The following LAMA2 variants were observed in gnomAD, a reference collection of about 807,000 sequenced individuals.
LAMA2 encodes the protein laminin subunit alpha 2.
A neutral mutation model predicts 364.8 loss-of-function variants in LAMA2; 269 were observed. The observed-to-expected ratio is 0.74, with a 90% CI of 0.67 to 0.82. The LOEUF is 0.82. LAMA2 is among the 40% of genes least tolerant of loss of function. LAMA2 has a pLI of 0.00. For synonymous variants in LAMA2, 1,379 were observed against 1,370.6 expected, an observed-to-expected ratio of 1.01 and a Z score of -0.14; for missense variants, 3,807 against 3,873.2, an observed-to-expected ratio of 0.98 and a Z score of 0.45.
chr6:129,091,415 TA>T (rs1324062591), intron 3 of LAMA2, among the ~76,000 whole-genome samples: 2 of 152,192 alleles, frequency 1.3e-5, no homozygotes, highest in Non-Finnish European at 2.9e-5. Flanking sequence ...TTAATGTGAG[TA>T]TAAAAAGTCT....
intron 31 of LAMA2, among the ~76,000 whole-genome samples, chr6:129,351,089 A>C (rs755130255): frequency 6.6e-6 from 1 of 152,182 alleles, no homozygotes; most frequent in Admixed American, 6.5e-5. Flanking sequence ...TTTGGTATTC[A>C]TGGTTAGACT....
chr6:129,335,037 A>T (rs1008802873), intron 29 of LAMA2, among the ~76,000 whole-genome samples: 7 of 152,090 alleles, frequency 4.6e-5, no homozygotes, highest in African/African-American at 1.7e-4. Context: ...TTATCTTCAC[A>T]CCTTTCCCTG....
chr6:128,920,564 A>T (rs1778637019), intron 1 of LAMA2, among the ~76,000 whole-genome samples: 1 of 150,616 alleles, frequency 6.6e-6, no homozygotes, highest in African/African-American at 2.4e-5. Context: ...CCCTAATCAA[A>T]CCCTTTTCCC....
chr6:129,366,563 C>T (rs935323014), intron 33 of LAMA2, among the ~76,000 whole-genome samples: 7 of 152,086 alleles, frequency 4.6e-5, no homozygotes, highest in Non-Finnish European at 7.3e-5. Flanking sequence ...GGAAAAGAGT[C>T]TCATGTACCC....
chr6:129,079,592 C>T (rs1198837247), intron 3 of LAMA2, among the ~76,000 whole-genome samples: 3 of 151,072 alleles, frequency 2.0e-5, no homozygotes, highest in East Asian at 1.9e-4. Context: ...GCATCAAATG[C>T]GTATGAAGTG....
chr6:129,164,649 C>T (rs761770670), intron 8 of LAMA2, among the ~76,000 whole-genome samples: 5 of 152,196 alleles, frequency 3.3e-5, no homozygotes, highest in Non-Finnish European at 7.3e-5. Context: ...ATGTAGTTAA[C>T]TTAAAGTCTG....
chr6:129,396,341 A>T (rs1251702503), intron 37 of LAMA2, among the ~76,000 whole-genome samples: 2 of 152,180 alleles, frequency 1.3e-5, no homozygotes, highest in Non-Finnish European at 2.9e-5. Context: ...TGACTGGGAG[A>T]TTCAGCAAAA....
intron 40 of LAMA2, among the ~76,000 whole-genome samples, chr6:129,409,307 G>A (rs1356329014): frequency 3.9e-5 from 6 of 152,202 alleles, no homozygotes; most frequent in Non-Finnish European, 8.8e-5. Context: ...CTGATCATGG[G>A]GAACTCCCTG....
chr6:128,976,123 A>G (rs1280122029), intron 1 of LAMA2, among the ~76,000 whole-genome samples: 1 of 152,224 alleles, frequency 6.6e-6, no homozygotes, highest in Non-Finnish European at 1.5e-5. Flanking sequence ...GTGGGAATGA[A>G]TAATATGAAT....
At chr6:129,200,374 G>GTGTACACATATACATGTGTATATACA (rs1417204326) in intron 12 of LAMA2, among the ~76,000 whole-genome samples, 3 of 146,238 alleles carry the variant, frequency 2.1e-5, no homozygotes, top group East Asian at 2.0e-4. Context: ...ACACGTGTAT[G>GTGTACACATATACATGTGTATATACA]TGTACACATA....
At chr6:128,929,844 A>T (rs1779345243) in intron 1 of LAMA2, 2 of 1,020,074 alleles carry the variant, frequency 2.0e-6, no homozygotes, top group East Asian at 4.8e-5. Context: ...TTGTAAGTGA[A>T]AAACTTGCCT....
chr6:129,150,435 A>G (rs1368090645), intron 7 of LAMA2, among the ~76,000 whole-genome samples: 1 of 152,172 alleles, frequency 6.6e-6, no homozygotes, highest in Admixed American at 6.5e-5. Context: ...ACTTGAAGGT[A>G]GGGGTCTTCC....
chr6:129,021,130 T>C (rs1463241172), intron 1 of LAMA2, among the ~76,000 whole-genome samples: 1 of 152,252 alleles, frequency 6.6e-6, no homozygotes, highest in East Asian at 1.9e-4. Flanking sequence ...TGATGTTTAG[T>C]AGGCTTAAAT....
chr6:129,016,112 T>C (rs544953079), intron 1 of LAMA2, among the ~76,000 whole-genome samples: 1 of 152,198 alleles, frequency 6.6e-6, no homozygotes, highest in East Asian at 1.9e-4. Context: ...TCTATGACAA[T>C]GTTAAAAGTA....
chr6:129,317,662 G>A (rs987006006), intron 27 of LAMA2, among the ~76,000 whole-genome samples: 5 of 152,126 alleles, frequency 3.3e-5, no homozygotes, highest in Non-Finnish European at 4.4e-5. Flanking sequence ...AATATCACAT[G>A]TAAATTAGGT....
At position 129,504,072 on chromosome 6, in the gene LAMA2, A is replaced by G. The variant is rs143744527; in HGVS notation, c.8547+792A>G. Among the ~76,000 whole-genome samples, 1,263 of 152,356 alleles carry G rather than the reference A, an allele frequency of 8.3e-3. 11 individuals are homozygous for G. The highest frequency in any genetic ancestry group is 0.014 in the Non-Finnish European group (944 of 68,034). On this transcript the variant is annotated intron_variant, in intron 60 of 64. Coordinates refer to ENST00000421865, the MANE Select transcript of LAMA2 (RefSeq NM_000426.4). Reference sequence around the variant, plus strand: ...TAGACCAATAAAATTTTTAATTTTCAGAGTACGATATTATTAGATGTTAGA... The same window carrying G: ...TAGACCAATAAAATTTTTAATTTTCGGAGTACGATATTATTAGATGTTAGA...
At position 129,176,081 on chromosome 6, in the gene LAMA2, A is replaced by G. The variant is rs529771643; in HGVS notation, c.1307-1625A>G. ...TAAGCCTATAAGTTTACTTTTGGGT[A>G]CAGTTTTTCCATACTCAACAAAAAT... On this transcript the variant is annotated intron_variant, in intron 9 of 64. Coordinates refer to ENST00000421865, the MANE Select transcript of LAMA2 (RefSeq NM_000426.4). Among the ~76,000 whole-genome samples the G allele has an allele frequency of 8.6e-5, 13 of 152,038 alleles. No homozygotes were observed. The South Asian group carries it at 2.7e-3, about 31-fold the overall frequency.
chr6:129,283,993 A>G (rs1788919367), intron 18 of LAMA2, among the ~76,000 whole-genome samples: 1 of 152,112 alleles, frequency 6.6e-6, no homozygotes, highest in Admixed American at 6.6e-5. Flanking sequence ...CACTCAGGGA[A>G]GGGGAAGATT....
At chr6:129,361,927 G>A (rs1301512444) in intron 32 of LAMA2, among the ~76,000 whole-genome samples, 1 of 151,812 alleles carries the variant, frequency 6.6e-6, no homozygotes, top group African/African-American at 2.4e-5. Context: ...GGGACTAGAG[G>A]CACATGCCAC....
Sources: gnomAD v4.1 joint callset for allele counts (sites outside exome capture counted in the v4.1 genomes callset) on GRCh38, gnomAD v4.1.1 for gene constraint, MANE v1.5 for transcripts, NCBI Gene and HGNC (gene_info 2026-07-23, HGNC 2026-07-21) for gene names.